SLCO4C1: variants seen among roughly 807,000 people sequenced by gnomAD.
SLCO4C1 encodes the protein solute carrier organic anion transporter family member 4C1, also known as organic anion transporter M1.
Under a neutral mutation model 72.1 loss-of-function variants are expected in SLCO4C1, and 58 were observed. The ratio of observed to expected loss-of-function variants is 0.80; its 90% CI spans 0.65 to 1.00. The LOEUF (loss-of-function observed/expected upper bound fraction) is 1.00. Ranked by LOEUF, SLCO4C1 falls within the 50% of genes least tolerant of loss-of-function variation. The pLI is 0.00. For missense variants in SLCO4C1, 898 were observed against 857.9 expected (o/e 1.05, Z -0.58); for synonymous variants, 297 against 312.5 (o/e 0.95, Z 0.52).
Position 102,247,458 on chromosome 5 carries a change from A to G in SLCO4C1, c.1621-16T>C, listed in dbSNP as rs1748656842. ...TGTAATATACCTAAAAATATTAGACATAAAAACAATGAAAGTGATCATTTA... is the reference window on the plus strand; with the variant it reads ...TGTAATATACCTAAAAATATTAGACGTAAAAACAATGAAAGTGATCATTTA... On this transcript the variant is annotated splice_polypyrimidine_tract_variant and intron_variant, in intron 9 of 12. Coordinates refer to ENST00000310954, the MANE Select transcript of SLCO4C1 (RefSeq NM_180991.5). The G allele has an allele frequency of 6.9e-7, 1 of 1,447,650 alleles. No homozygotes were observed. The highest frequency in any genetic ancestry group is 9.4e-7 in the Non-Finnish European group (1 of 1,066,036). 89.7% of individuals were successfully genotyped at this position (1,447,650 alleles called of 1,614,324 possible).
At chr5:102,263,994 C>G (rs959781223) in intron 3 of SLCO4C1, among the ~76,000 whole-genome samples, 1 of 152,062 alleles carries the variant, frequency 6.6e-6, no homozygotes, top group Non-Finnish European at 1.5e-5. Context: ...TGTAGTAATA[C>G]TTAGAACAAA....
rs181459523 is a variant in SLCO4C1, at chr5:102,243,179, C to T, written c.1812-2397G>A. 4.9e-3 allele frequency among the ~76,000 whole-genome samples: 741 copies of T among 152,208 alleles called. 10 individuals carry two copies. The highest frequency in any genetic ancestry group is 0.017 in the African/African-American group (711 of 41,528). ...TGTGTGGTTTCCATGCCAGCTTAGC[C>T]GCAATACAATAGACCAGGTAGACTT... On this transcript the variant is annotated intron_variant, in intron 10 of 12. Coordinates refer to ENST00000310954, the MANE Select transcript of SLCO4C1 (RefSeq NM_180991.5).
At chr5:102,252,184 T>G in intron 8 of SLCO4C1, among the ~76,000 whole-genome samples, 1 of 152,074 alleles carries the variant, frequency 6.6e-6, no homozygotes, top group East Asian at 1.9e-4. Flanking sequence ...TCTGCCACCA[T>G]GAAGCTAACT....
At chr5:102,294,209 A>C (rs1173656960) in intron 1 of SLCO4C1, among the ~76,000 whole-genome samples, 1 of 151,546 alleles carries the variant, frequency 6.6e-6, no homozygotes, top group Non-Finnish European at 1.5e-5. Flanking sequence ...GCGCCCGGCC[A>C]TAATTTTTTG....
At chr5:102,255,764 T>A (rs1396767045) in intron 8 of SLCO4C1, among the ~76,000 whole-genome samples, 1 of 127,348 alleles carries the variant, frequency 7.9e-6, no homozygotes, top group East Asian at 2.3e-4. Context: ...AAAGCTCACC[T>A]TCTTTTCAAT....
chr5:102,278,254 C>T (rs1749286310), intron 2 of SLCO4C1, among the ~76,000 whole-genome samples: 1 of 152,048 alleles, frequency 6.6e-6, no homozygotes, highest in African/African-American at 2.4e-5. Context: ...AAAAAATTTA[C>T]TTGACACAGA....
At chr5:102,283,348 G>C (rs990991988) in intron 2 of SLCO4C1, among the ~76,000 whole-genome samples, 4 of 151,938 alleles carry the variant, frequency 2.6e-5, no homozygotes, top group Non-Finnish European at 5.9e-5. Context: ...CAGGATCACT[G>C]TAGTTCTATC....
intron 10 of SLCO4C1, among the ~76,000 whole-genome samples, chr5:102,244,049 T>C (rs944009317): frequency 2.0e-5 from 3 of 152,002 alleles, no homozygotes; most frequent in African/African-American, 7.2e-5. Flanking sequence ...TAGCTGGGCA[T>C]GGTGGTGCAC....
At chr5:102,287,122 A>G (rs1327631330) in intron 2 of SLCO4C1, among the ~76,000 whole-genome samples, 1 of 152,068 alleles carries the variant, frequency 6.6e-6, no homozygotes, top group Non-Finnish European at 1.5e-5. Flanking sequence ...ATGTTAAGTT[A>G]CTTAAGAAGA....
At chr5:102,239,504 C>G in intron 11 of SLCO4C1, 116 bp from the exon 12 acceptor site, 1 of 668,392 alleles carries the variant, frequency 1.5e-6, no homozygotes, top group Non-Finnish European at 2.1e-6. Context: ...ATTCATCTGT[C>G]CACATGCAAA....
chr5:102,242,003 G>A (rs1369980401), intron 10 of SLCO4C1, among the ~76,000 whole-genome samples: 2 of 152,156 alleles, frequency 1.3e-5, no homozygotes, highest in African/African-American at 2.4e-5. Flanking sequence ...CCCAGGCAGT[G>A]GCAGTGTAAT....
intron 3 of SLCO4C1, among the ~76,000 whole-genome samples, chr5:102,268,594 A>T (rs1289176795): frequency 6.6e-6 from 1 of 152,154 alleles, no homozygotes; most frequent in Non-Finnish European, 1.5e-5. Context: ...AACTATTTAC[A>T]TTCAAGGTTG....
chr5:102,262,865 T>C (rs1748967082), intron 4 of SLCO4C1, among the ~76,000 whole-genome samples: 2 of 152,172 alleles, frequency 1.3e-5, no homozygotes, highest in Non-Finnish European at 1.5e-5. Flanking sequence ...AAGATTAACC[T>C]AGGACTAACA....
rs199962705 is a variant in SLCO4C1, at chr5:102,291,591, C to T, written c.371G>A (p.Gly124Asp). The T allele has an allele frequency of 2.1e-5, 34 of 1,610,784 alleles. No individual in the cohort carries two copies. Among genetic ancestry groups the T allele is most frequent in the South Asian group, 1.1e-5 (1 of 90,318 alleles). The stretch of plus-strand genomic sequence containing the variant: ...AGTGGAAATGCTAATATTTACTAGG[C>T]CATTAACTACAATACCTAAAAAACA... The part of the protein sequence containing the change: ...LAVTQGIVVN[G>D]LVNISISTVE... The change falls in exon 2 of 13, where the codon GGC becomes GAC. Residue 124 changes from glycine to aspartate, a missense_variant. Gly to Asp is a moderately conservative substitution (Grantham distance 94). Coordinates refer to ENST00000310954, the MANE Select transcript of SLCO4C1 (RefSeq NM_180991.5).
chr5:102,263,327 T>C (rs550484269), intron 4 of SLCO4C1, among the ~76,000 whole-genome samples: 1 of 152,258 alleles, frequency 6.6e-6, no homozygotes, highest in South Asian at 2.1e-4. Context: ...CTCTTGAGAC[T>C]CTTCAGACTA....
At chr5:102,291,677 G>A in intron 1 of SLCO4C1, 71 bp from the exon 2 acceptor site, 4 of 1,298,906 alleles carry the variant, frequency 3.1e-6, no homozygotes, top group Non-Finnish European at 4.2e-6. Context: ...ACACAATGAA[G>A]TAGAGTTTGA....
At chr5:102,254,290 TG>T (rs1194362533) in intron 8 of SLCO4C1, among the ~76,000 whole-genome samples, 3 of 152,208 alleles carry the variant, frequency 2.0e-5, no homozygotes, top group African/African-American at 7.2e-5. Context: ...TGAAGGTTAG[TG>T]GCAACCTAGT....
At chr5:102,251,969 A>C (rs1748747901) in intron 8 of SLCO4C1, among the ~76,000 whole-genome samples, 1 of 151,618 alleles carries the variant, frequency 6.6e-6, no homozygotes, top group Admixed American at 6.6e-5. Context: ...AGGGAGAGAG[A>C]GAAATGGATA....
chr5:102,280,784 G>T (rs1252546654), intron 2 of SLCO4C1, among the ~76,000 whole-genome samples: 5 of 152,060 alleles, frequency 3.3e-5, no homozygotes, highest in African/African-American at 1.2e-4. Flanking sequence ...CAGGAGAACA[G>T]CATGGGGGAA....
Sources: allele counts gnomAD v4.1 joint callset (sites outside exome capture counted in the v4.1 genomes callset), GRCh38; gene constraint gnomAD v4.1.1; transcripts MANE v1.5; gene names NCBI Gene and HGNC (gene_info 2026-07-23, HGNC 2026-07-21).